Variants in BST1 observed in about 807,000 individuals in gnomAD.
BST1 encodes ADP-ribosyl cyclase/cyclic ADP-ribose hydrolase 2.
Under a neutral mutation model 40.6 loss-of-function variants are expected in BST1, and 49 were observed. That is an observed-to-expected ratio of 1.21 (90% CI 0.96 to 1.53). BST1 has a LOEUF of 1.53. Ranked by LOEUF, BST1 falls within the 40% of genes most tolerant of loss-of-function variation. BST1 has a pLI of 0.00. For synonymous variants in BST1, 157 were observed against 159.3 expected (o/e 0.99, Z 0.11); for missense variants, 423 against 395.9 (o/e 1.07, Z -0.58).
chr4:15,744,220 A>C, the BST1 span, among the ~76,000 whole-genome samples: 1 of 152,170 alleles, frequency 6.6e-6, no homozygotes, highest in Non-Finnish European at 1.5e-5. Flanking sequence ...TACCTTCTGT[A>C]TTAGTCCATT....
the BST1 span, among the ~76,000 whole-genome samples, chr4:15,756,294 G>A: frequency 6.6e-6 from 1 of 152,184 alleles, no homozygotes; most frequent in Non-Finnish European, 1.5e-5. Context: ...GTAAAACTGA[G>A]CTGTCAAAGA....
chr4:15,744,429 A>G, the BST1 span, among the ~76,000 whole-genome samples: 1 of 152,150 alleles, frequency 6.6e-6, no homozygotes, highest in African/African-American at 2.4e-5. Context: ...ACACTTATAA[A>G]ACCATCAGAT....
chr4:15,719,570 G>A (rs747617692), intron 7 of BST1, among the ~76,000 whole-genome samples: 2 of 152,092 alleles, frequency 1.3e-5, no homozygotes, highest in Non-Finnish European at 2.9e-5. Flanking sequence ...GGACTCAAAC[G>A]CCTGCCTCTG....
At chr4:15,722,708 C>T (rs1482909750) in intron 7 of BST1, among the ~76,000 whole-genome samples, 167 bp from the exon 8 acceptor site, 2 of 150,386 alleles carry the variant, frequency 1.3e-5, no homozygotes, top group Non-Finnish European at 2.9e-5. Flanking sequence ...GCTGGGATTA[C>T]AGGTGTAAGC....
intron 8 of BST1, among the ~76,000 whole-genome samples, chr4:15,725,653 G>C (rs900816844): frequency 6.6e-6 from 1 of 152,050 alleles, no homozygotes; most frequent in African/African-American, 2.4e-5. Context: ...TTATTTCAAG[G>C]CTAGTTTTGA....
chr4:15,760,753 A>T, the BST1 span, among the ~76,000 whole-genome samples: 15 of 151,008 alleles, frequency 9.9e-5, no homozygotes, highest in Admixed American at 2.0e-4. Context: ...CAGTGGTGTG[A>T]TCTTGGCTTA....
At chr4:15,766,331 G>A in the BST1 span, among the ~76,000 whole-genome samples, 2 of 151,906 alleles carry the variant, frequency 1.3e-5, no homozygotes, top group East Asian at 3.8e-4. Context: ...GATGAGGGAG[G>A]TGGGGCAGTG....
chr4:15,770,421 C>T, the BST1 span, among the ~76,000 whole-genome samples: 1 of 151,920 alleles, frequency 6.6e-6, no homozygotes, highest in Non-Finnish European at 1.5e-5. Flanking sequence ...AAAACTACTC[C>T]GGGCCAGGTG....
At chr4:15,733,071 C>T (rs962572042), downstream of BST1, among the ~76,000 whole-genome samples, 8 of 152,156 alleles carry the variant, frequency 5.3e-5, no homozygotes, top group Admixed American at 1.3e-4. Context: ...TTGTGAAGAG[C>T]GAAAAAACAA....
chr4:15,715,166 A>T, intron 4 of BST1, 119 bp from the exon 5 acceptor site: 3 of 916,616 alleles, frequency 3.3e-6, no homozygotes, highest in African/African-American at 1.7e-5. Context: ...GCCATATGAA[A>T]TGCCACATTT....
At chr4:15,709,738 T>C (rs906360467) in intron 3 of BST1, among the ~76,000 whole-genome samples, 1 of 152,088 alleles carries the variant, frequency 6.6e-6, no homozygotes, top group African/African-American at 2.4e-5. Flanking sequence ...TGGAATCCTG[T>C]GGGGCCAGCA....
chr4:15,760,013 G>A, the BST1 span, among the ~76,000 whole-genome samples: 1 of 151,908 alleles, frequency 6.6e-6, no homozygotes, highest in Non-Finnish European at 1.5e-5. Context: ...ATTCAGTTTT[G>A]TGACTATCAC....
chr4:15,766,140 C>G, the BST1 span, among the ~76,000 whole-genome samples: 3 of 152,042 alleles, frequency 2.0e-5, no homozygotes, highest in Admixed American at 6.5e-5. Flanking sequence ...TGTTTGGCAT[C>G]CTTCTATAAT....
chr4:15,718,769 C>T (rs1351991477), intron 6 of BST1, 138 bp from the exon 7 acceptor site: 1 of 686,772 alleles, frequency 1.5e-6, no homozygotes, highest in Non-Finnish European at 2.3e-6. Flanking sequence ...CTTTTTAAAC[C>T]AGAGACATTC....
chr4:15,719,539 A>G (rs1275191476), intron 7 of BST1, among the ~76,000 whole-genome samples: 1 of 152,072 alleles, frequency 6.6e-6, no homozygotes, highest in African/African-American at 2.4e-5. Context: ...TCAAGCCCTA[A>G]GGTAGTTGCA....
chr4:15,722,920 CTG>C lies in BST1; in HGVS notation c.840_841del (p.Ala281LeufsTer87). The C allele has an allele frequency of 1.2e-6, 2 of 1,613,816 alleles. No homozygotes were observed. The highest frequency in any genetic ancestry group is 1.7e-6 in the Non-Finnish European group (2 of 1,179,768). ...QCVDHSTHPD[C>X]ALKSAAAATQ... ...GCGTGGACCACAGCACCCATCCTGA[CTG>C]TGCCTTAAAGTCGTAAGTAAATGTC... is the stretch of plus-strand genomic sequence containing the variant. On this transcript the variant is annotated frameshift_variant, in exon 8 of 9. Coordinates refer to ENST00000265016, the MANE Select transcript of BST1 (RefSeq NM_004334.3). LOFTEE classifies it low-confidence loss of function (END_TRUNC).
At chr4:15,758,714 C>A in the BST1 span, among the ~76,000 whole-genome samples, 1 of 152,168 alleles carries the variant, frequency 6.6e-6, no homozygotes, top group African/African-American at 2.4e-5. Context: ...CACCCTCTAG[C>A]CTCTGTAACC....
downstream of BST1, among the ~76,000 whole-genome samples, chr4:15,732,967 G>T (rs550409657): frequency 1.9e-4 from 29 of 152,228 alleles, no homozygotes; most frequent in African/African-American, 6.0e-4. Context: ...TCGTGGTCTC[G>T]CTGACTTCAA....
the BST1 span, among the ~76,000 whole-genome samples, chr4:15,762,949 ATTGGTGAATATGATGGATACT>A: frequency 1.3e-5 from 2 of 152,084 alleles, no homozygotes; most frequent in East Asian, 3.9e-4. Context: ...CTATTCATCC[ATTGGTGAATATGATGGATACT>A]TAGGTTGATT....
Sources: gnomAD v4.1 joint callset for allele counts (sites outside exome capture counted in the v4.1 genomes callset) on GRCh38, gnomAD v4.1.1 for gene constraint, MANE v1.5 for transcripts, NCBI Gene and HGNC (gene_info 2026-07-23, HGNC 2026-07-21) for gene names.